SLC25A48: variants seen among roughly 807,000 people sequenced by gnomAD.
SLC25A48 encodes solute carrier family 25 member 48, also known as CTC-321K16.1.
A neutral mutation model predicts 32.2 loss-of-function variants in SLC25A48; 29 were observed. The observed-to-expected ratio is 0.90, with a 90% CI of 0.67 to 1.23. The LOEUF (loss-of-function observed/expected upper bound fraction) is 1.23. SLC25A48 is among the 50% of genes most tolerant of loss of function. The pLI is 0.00. For synonymous variants in SLC25A48, 164 were observed against 172.3 expected, an observed-to-expected ratio of 0.95 and a Z score of 0.38; for missense variants, 399 against 422.7, an observed-to-expected ratio of 0.94 and a Z score of 0.49.
chr5:135,730,612 C>G (rs1217703060), intron 3 of SLC25A48, among the ~76,000 whole-genome samples: 3 of 152,080 alleles, frequency 2.0e-5, no homozygotes, highest in Non-Finnish European at 4.4e-5. Context: ...TGAAAAGATA[C>G]CTGAAAATGT....
At chr5:135,758,258 T>C (rs1755971753) in intron 3 of SLC25A48, among the ~76,000 whole-genome samples, 1 of 150,860 alleles carries the variant, frequency 6.6e-6, no homozygotes, top group African/African-American at 2.4e-5. Flanking sequence ...CCCTAGTGTT[T>C]TTAACACATG....
At chr5:135,861,274 T>TA (rs902115708) in intron 4 of SLC25A48, among the ~76,000 whole-genome samples, 10 of 152,052 alleles carry the variant, frequency 6.6e-5, no homozygotes, top group African/African-American at 2.2e-4. Context: ...AGATGGGCAA[T>TA]ATTTAAAATG....
intron 1 of SLC25A48, among the ~76,000 whole-genome samples, chr5:135,583,791 A>C (rs1380376196): frequency 6.6e-6 from 1 of 152,108 alleles, no homozygotes; most frequent in Non-Finnish European, 1.5e-5. Context: ...GCTGGCTCTG[A>C]ATCCAAGCCT....
At chr5:135,632,166 T>C (rs1561767018) in intron 2 of SLC25A48, among the ~76,000 whole-genome samples, 3 of 152,200 alleles carry the variant, frequency 2.0e-5, no homozygotes, top group Admixed American at 2.0e-4. Context: ...GATGACTGGG[T>C]CATAGAAGAT....
At chr5:135,617,682 T>A (rs563977031) in intron 1 of SLC25A48, among the ~76,000 whole-genome samples, 7 of 152,138 alleles carry the variant, frequency 4.6e-5, no homozygotes, top group East Asian at 1.9e-4. Context: ...AGTTTTTTTT[T>A]AAATTTTCTC....
At chr5:135,700,320 C>T (rs567382544) in intron 3 of SLC25A48, among the ~76,000 whole-genome samples, 18 of 123,558 alleles carry the variant, frequency 1.5e-4, no homozygotes, top group Admixed American at 1.2e-3. Context: ...TGCAGTGAGC[C>T]GAGATCATGC....
At chr5:135,778,839 A>ACCCCCCC (rs1392702614) in intron 3 of SLC25A48, among the ~76,000 whole-genome samples, 1 of 84,928 alleles carries the variant, frequency 1.2e-5, no homozygotes, top group Admixed American at 1.1e-4. Flanking sequence ...GTGTACACAC[A>ACCCCCCC]CCCCCCCCGC....
At chr5:135,834,999 C>G (rs1432376632) in intron 1 of SLC25A48, 106 bp downstream of exon 1, 6 of 1,356,158 alleles carry the variant, frequency 4.4e-6, no homozygotes, top group South Asian at 2.5e-5. Context: ...TCCCGCTCCC[C>G]GTTGTGCGCG....
intron 1 of SLC25A48, among the ~76,000 whole-genome samples, chr5:135,620,647 G>A (rs1057377102): frequency 2.0e-5 from 3 of 152,090 alleles, no homozygotes; most frequent in Non-Finnish European, 2.9e-5. Context: ...GGGGAGTGGG[G>A]TTGTTGCTCC....
chr5:135,624,474 A>C (rs1318263606), intron 1 of SLC25A48, among the ~76,000 whole-genome samples: 1 of 152,266 alleles, frequency 6.6e-6, no homozygotes, highest in Non-Finnish European at 1.5e-5. Context: ...GAAAATAAAT[A>C]TAAAATAAAT....
At chr5:135,636,831 CAT>C (rs1401701313) in intron 3 of SLC25A48, among the ~76,000 whole-genome samples, 4 of 152,222 alleles carry the variant, frequency 2.6e-5, no homozygotes, top group African/African-American at 2.4e-5. Flanking sequence ...CACCAGAAAA[CAT>C]GTGGGCTATT....
intron 1 of SLC25A48, among the ~76,000 whole-genome samples, chr5:135,617,947 T>C (rs1752226848): frequency 6.6e-6 from 1 of 152,066 alleles, no homozygotes; most frequent in South Asian, 2.1e-4. Flanking sequence ...TGGTCTAATA[T>C]GCAGTTTAAG....
intron 3 of SLC25A48, among the ~76,000 whole-genome samples, chr5:135,771,184 C>A (rs561836456): frequency 6.6e-6 from 1 of 151,424 alleles, no homozygotes; most frequent in South Asian, 2.1e-4. Context: ...TGGTGTACAC[C>A]CCCCTGTGAT....
At chr5:135,633,939 A>C (rs1244711267) in intron 2 of SLC25A48, among the ~76,000 whole-genome samples, 1 of 152,188 alleles carries the variant, frequency 6.6e-6, no homozygotes, top group Non-Finnish European at 1.5e-5. Context: ...TCCTCACATA[A>C]CTTCTGAATT....
In SLC25A48 at chr5:135,779,965, G is replaced by T. The variant is rs185075897; in HGVS notation, c.-520-32558G>T. ...AAAGAATAATATTACTCCCAAGTTCGCAGGGGCATACATCCAATACCCCAT... is the reference window on the plus strand; with the variant it reads ...AAAGAATAATATTACTCCCAAGTTCTCAGGGGCATACATCCAATACCCCAT... On this transcript the variant is annotated intron_variant, in intron 3 of 10. Transcript: ENST00000646290. Among the ~76,000 whole-genome samples, 4 of 115,218 alleles carry T rather than the reference G, an allele frequency of 3.5e-5. 1 individual carries two copies. The highest frequency in any genetic ancestry group is 6.4e-5 in the Non-Finnish European group (3 of 47,054). 75.6% of individuals were successfully genotyped at this position (115,218 alleles called of 152,430 possible).
chr5:135,674,611 CT>C (rs1332586789), intron 3 of SLC25A48, among the ~76,000 whole-genome samples: 3 of 151,454 alleles, frequency 2.0e-5, no homozygotes, highest in Non-Finnish European at 4.4e-5. Flanking sequence ...CTTTCTGTGT[CT>C]TTTTTTCACT....
intron 3 of SLC25A48, among the ~76,000 whole-genome samples, chr5:135,666,504 C>T (rs569974541): frequency 1.6e-3 from 239 of 152,234 alleles, no homozygotes; most frequent in Non-Finnish European, 2.9e-3. Context: ...TTCTGCTCCT[C>T]GATGTTTACC....
At chr5:135,619,179 C>G (rs149255518) in intron 1 of SLC25A48, among the ~76,000 whole-genome samples, 10 of 151,872 alleles carry the variant, frequency 6.6e-5, no homozygotes, top group Non-Finnish European at 1.0e-4. Flanking sequence ...ACACTTTGTT[C>G]CTCATTCTTT....
At chr5:135,641,264 G>A (rs117554788) in intron 3 of SLC25A48, among the ~76,000 whole-genome samples, 1 of 152,320 alleles carries the variant, frequency 6.6e-6, no homozygotes, top group East Asian at 1.9e-4. Flanking sequence ...AGAAATAAAT[G>A]TAGAAATAGA....
Sources: gnomAD v4.1 joint callset for allele counts (sites outside exome capture counted in the v4.1 genomes callset) on GRCh38, gnomAD v4.1.1 for gene constraint, MANE v1.5 for transcripts, NCBI Gene and HGNC (gene_info 2026-07-23, HGNC 2026-07-21) for gene names.